Variants in SCN1A observed in about 807,000 individuals in gnomAD.
SCN1A encodes sodium channel protein type 1 subunit alpha.
In SCN1A, 13 loss-of-function variants were observed where a neutral mutation model predicts 193.7. The observed-to-expected ratio is 0.07, with a 90% CI of 0.04 to 0.11. SCN1A has a LOEUF of 0.11. Among genes scored for constraint, SCN1A ranks in the 10% least tolerant of loss-of-function variants. SCN1A has a pLI of 1.00. For synonymous variants in SCN1A, 781 were observed against 843.6 expected (o/e 0.93, Z 1.29); for missense variants, 1,432 against 2,451.1 (o/e 0.58, Z 8.78).
chr2:166,118,215 C>T (rs1373027137), intron 2 of SCN1A, among the ~76,000 whole-genome samples: 1 of 147,964 alleles, frequency 6.8e-6, no homozygotes, highest in Non-Finnish European at 1.5e-5. Context: ...AGTCAAGATT[C>T]CACTTTTTGC....
chr2:166,005,050 T>C (rs1691460306), intron 23 of SCN1A, among the ~76,000 whole-genome samples: 1 of 151,412 alleles, frequency 6.6e-6, no homozygotes, highest in South Asian at 2.1e-4. Flanking sequence ...TAGTGCTGTT[T>C]CCAGTCTACG....
intron 9 of SCN1A, among the ~76,000 whole-genome samples, chr2:166,049,175 G>T (rs1175626711): frequency 1.1e-5 from 1 of 88,238 alleles, no homozygotes; most frequent in African/African-American, 3.1e-5. Flanking sequence ...CATTAGATTA[G>T]ATACAGTGCA....
chr2:166,106,944 A>G (rs1688760360), intron 2 of SCN1A, among the ~76,000 whole-genome samples: 1 of 152,180 alleles, frequency 6.6e-6, no homozygotes, highest in South Asian at 2.1e-4. Flanking sequence ...AAAGAGAGCT[A>G]AGAGGCAATA....
At chr2:166,093,604 A>G (rs1001414081) in intron 2 of SCN1A, among the ~76,000 whole-genome samples, 3 of 152,084 alleles carry the variant, frequency 2.0e-5, no homozygotes, top group African/African-American at 7.2e-5. Context: ...CGGCCTCCCA[A>G]AGTGCTGGGA....
At chr2:166,051,474 T>C (rs963450445) in intron 9 of SCN1A, among the ~76,000 whole-genome samples, 1 of 152,012 alleles carries the variant, frequency 6.6e-6, no homozygotes, top group African/African-American at 2.4e-5. Context: ...ATATACATGA[T>C]AGTAATTCTT....
chr2:166,011,921 A>G (rs545315608), intron 22 of SCN1A, among the ~76,000 whole-genome samples, 188 bp downstream of exon 22: 3 of 151,396 alleles, frequency 2.0e-5, no homozygotes, highest in South Asian at 2.1e-4. Flanking sequence ...CCATCCCCCA[A>G]TGTTATTTTA....
At chr2:166,071,895 G>GA (rs1203042318) in intron 4 of SCN1A, 4,507 of 114,812 alleles carry the variant, frequency 0.039, 235 homozygotes, top group African/African-American at 0.13. Flanking sequence ...GTCTCAAAAA[G>GA]AAAAAAAAAA....
At chr2:166,084,573 C>T (rs776404710) in intron 2 of SCN1A, among the ~76,000 whole-genome samples, 2 of 152,104 alleles carry the variant, frequency 1.3e-5, no homozygotes, top group African/African-American at 4.8e-5. Context: ...TGGTACAATT[C>T]CCTTTGAAGG....
At chr2:166,011,355 T>C (rs542277145) in intron 22 of SCN1A, among the ~76,000 whole-genome samples, 1 of 151,246 alleles carries the variant, frequency 6.6e-6, no homozygotes, top group East Asian at 1.9e-4. Flanking sequence ...AAGTTGATAA[T>C]AGAAAACATG....
Position 166,051,897 on chromosome 2 carries a change from A to G in SCN1A, c.786T>C (p.Ala262=). The G allele has an allele frequency of 6.2e-7, 1 of 1,612,628 alleles. No homozygotes were observed. The highest frequency in any genetic ancestry group is 8.5e-7 in the Non-Finnish European group (1 of 1,179,052). ...ILTVFCLSVF[A]LIGLQLFMGN... is the part of the protein sequence containing the mutation. ...CCATGAACAGCTGCAGCCCAATTAG[A>G]GCAAATACGCTCAGACAGAACACAG... The change falls in exon 9 of 29, where the codon GCT becomes GCC. Residue 262 remains alanine (A), a synonymous_variant. Transcript: ENST00000674923.
At chr2:166,055,302 T>G (rs1699015840) in intron 6 of SCN1A, among the ~76,000 whole-genome samples, 1 of 151,820 alleles carries the variant, frequency 6.6e-6, no homozygotes, top group South Asian at 2.1e-4. Flanking sequence ...TAGAATAAAA[T>G]TCTTCTGATA....
intron 2 of SCN1A, among the ~76,000 whole-genome samples, chr2:166,079,971 T>C (rs1374830414): frequency 6.6e-6 from 1 of 151,534 alleles, no homozygotes; most frequent in East Asian, 1.9e-4. Context: ...ATAAAACTCA[T>C]TAAAAATCTC....
At chr2:166,031,807 G>A (rs986784798) in intron 19 of SCN1A, among the ~76,000 whole-genome samples, 8 of 152,066 alleles carry the variant, frequency 5.3e-5, no homozygotes, top group African/African-American at 1.9e-4. Context: ...CAGAAATGCA[G>A]TCAGTAACAT....
rs774054004 is a variant in SCN1A, at chr2:166,037,824, G to A, written c.2898C>T (p.Ala966=). 9 of 1,614,100 alleles carry A rather than the reference G, an allele frequency of 5.6e-6. No homozygotes were observed. The South Asian group carries it at 9.9e-5, about 18-fold the overall frequency. ...MWDCMEVAGQ[A]MCLTVFMMVM... is the part of the protein sequence containing the mutation. ...CCATCATGAAGACAGTAAGGCACAT[G>A]GCTTGACCAGCAACCTCCATACAGT... Residue 966 remains alanine (A), a synonymous_variant, in exon 18 of 29, where the codon GCC becomes GCT. Coordinates refer to ENST00000674923, the MANE Select transcript of SCN1A (RefSeq NM_001165963.4).
Position 165,991,704 on chromosome 2 carries a change from C to A in SCN1A, c.5571G>T (p.Val1857=). The change falls in exon 29 of 29, where the codon GTG becomes GTT. Residue 1857 remains valine (V), a synonymous_variant. Transcript: ENST00000674923. ...LQLIAMDLPM[V]SGDRIHCLDI... ...CAAGACAGTGGATCCGGTCACCACT[C>A]ACCATGGGCAAATCCATGGCAATGA... The A allele has an allele frequency of 6.2e-7, 1 of 1,613,926 alleles. No individual in the cohort carries two copies. The highest frequency in any genetic ancestry group is 8.5e-7 in the Non-Finnish European group (1 of 1,179,932).
chr2:165,994,485 C>T (rs568962174), intron 27 of SCN1A, 69 bp from the exon 28 acceptor site: 3 of 1,442,528 alleles, frequency 2.1e-6, no homozygotes, highest in East Asian at 4.6e-5. Context: ...TAAGTACTTT[C>T]TGCATTAATT....
chr2:166,055,842 G>T (rs1699075424), intron 6 of SCN1A, among the ~76,000 whole-genome samples: 1 of 151,930 alleles, frequency 6.6e-6, no homozygotes, highest in Admixed American at 6.6e-5. Flanking sequence ...GTTTCTGAAA[G>T]CTCTACAAAA....
At position 166,051,788 on chromosome 2, in the gene SCN1A, T is replaced by A; in HGVS notation, c.895A>T (p.Asn299Tyr). 1 of 1,610,548 alleles carries A rather than the reference T, an allele frequency of 6.2e-7. No individual in the cohort carries two copies. The change falls in exon 9 of 29, where the codon AAT becomes TAT. Residue 299 changes from asparagine to tyrosine, a missense_variant. Asn to Tyr is a moderately radical substitution (Grantham distance 143). Around this residue, in one of 18 missense-constraint regions of SCN1A, gnomAD observed 52 missense variants for 59.6 expected, o/e 0.87. Transcript: ENST00000674923. ...TCATTTATAAGTGTACCATTATAAT[T>A]CACAGTTATATTCTTTTCTATACTA... The part of the protein sequence containing the change: ...EHSIEKNITV[N>Y]YNGTLINETV...
Position 166,037,797 on chromosome 2 carries a change from G to A in SCN1A, c.2925C>T (p.Val975=). The change falls in exon 18 of 29, where the codon GTC becomes GTT. Residue 975 remains valine, a synonymous_variant. Transcript: ENST00000674923. The part of the protein sequence containing the change: ...QAMCLTVFMM[V]MVIGNLVVLN... ...ATACCACTAGGTTTCCAATCACCAT[G>A]ACCATCATGAAGACAGTAAGGCACA... 6.2e-7 allele frequency: 1 copy of A among 1,614,104 alleles called. No homozygotes were observed. Among genetic ancestry groups the A allele is most frequent in the Non-Finnish European group, 8.5e-7 (1 of 1,180,020 alleles).
Sources: gnomAD v4.1 joint callset for allele counts (sites outside exome capture counted in the v4.1 genomes callset) on GRCh38, gnomAD v4.1.1 for gene constraint, gnomAD v4.1.1 regional missense constraint, MANE v1.5 for transcripts, NCBI Gene and HGNC (gene_info 2026-07-23, HGNC 2026-07-21) for gene names.